The following SLC6A20 variants were observed in gnomAD, a reference collection of about 807,000 sequenced individuals.
The protein encoded by SLC6A20 is sodium- and chloride-dependent transporter XTRP3.
SLC6A20 carries 73 observed loss-of-function variants against 64.3 expected under a neutral mutation model. The ratio of observed to expected loss-of-function variants is 1.14; its 90% CI spans 0.94 to 1.38. The LOEUF is 1.38. Ranked by LOEUF, SLC6A20 falls within the 40% of genes most tolerant of loss-of-function variation. The pLI, the probability that SLC6A20 is intolerant of heterozygous loss-of-function variation, is 0.00. For synonymous variants in SLC6A20, 347 were observed against 329.6 expected (o/e 1.05, Z -0.57); for missense variants, 725 against 772.8 (o/e 0.94, Z 0.73).
intron 5 of SLC6A20, 108 bp from the exon 6 acceptor site, chr3:45,771,566 C>T (rs377484883): frequency 1.1e-5 from 17 of 1,537,772 alleles, no homozygotes; most frequent in South Asian, 1.0e-4. Flanking sequence ...ACCTACAGCA[C>T]GCAGCCATCA....
Position 45,765,553 on chromosome 3 carries a change from G to A in SLC6A20, c.1287C>T (p.Pro429=). 9 of 1,613,380 alleles carry A rather than the reference G, an allele frequency of 5.6e-6. No individual in the cohort carries two copies. The highest frequency in any genetic ancestry group is 6.8e-6 in the Non-Finnish European group (8 of 1,179,738). The change falls in exon 8 of 11, where the codon CCC becomes CCT. Residue 429 remains proline (P), a synonymous_variant. Transcript: ENST00000358525. This position sits in a 1 kb window ranked among gnomAD's most constrained non-coding sequence, Gnocchi z 4.2. The part of the protein sequence containing the change: ...TDSKIISSHL[P]KEAISGLVCL... ...CCCGCTGACCTGAGATGGCCTCCTTGGGCAGGTGGCTGGAGATGATCTTGC... is the reference window on the plus strand; with the variant it reads ...CCCGCTGACCTGAGATGGCCTCCTTAGGCAGGTGGCTGGAGATGATCTTGC...
chr3:45,782,440 A>C (rs1700109323), intron 1 of SLC6A20, among the ~76,000 whole-genome samples: 1 of 150,098 alleles, frequency 6.7e-6, no homozygotes, highest in African/African-American at 2.4e-5. Context: ...CCTCTCATCT[A>C]TCTATCTACT....
chr3:45,783,810 C>G (rs931685919), intron 1 of SLC6A20, among the ~76,000 whole-genome samples: 4 of 152,232 alleles, frequency 2.6e-5, no homozygotes, highest in Admixed American at 2.6e-4. Flanking sequence ...CAAATCCTGC[C>G]CTCTCATGTC....
chr3:45,771,268 A>G lies in SLC6A20; in HGVS notation c.884T>C (p.Phe295Ser). 1 of 1,614,210 alleles carries G rather than the reference A, an allele frequency of 6.2e-7. No homozygotes were observed. Among genetic ancestry groups the G allele is most frequent in the African/African-American group, 1.3e-5 (1 of 75,052 alleles). The change falls in exon 6 of 11, where the codon TTC becomes TCC. Residue 295 changes from phenylalanine to serine, a missense_variant. By Grantham distance (155) the Phe-to-Ser change is radical (BLOSUM62 -2). Coordinates refer to ENST00000358525, the MANE Select transcript of SLC6A20 (RefSeq NM_020208.4). ...GGTGGCCTTGAAGCCATAGATGGAG[A>G]AGGTGACAATGCTGGCAAATATGGA... Reference protein sequence around the residue: ...FTSIFASIVTFSIYGFKATFN... With the variant: ...FTSIFASIVTSSIYGFKATFN...
rs527526727 is a variant in SLC6A20 at position 45,784,302 on chromosome 3, G to A, written c.122-2079C>T. Among the ~76,000 whole-genome samples, 66 of 152,298 alleles carry A rather than the reference G, an allele frequency of 4.3e-4. 1 individual carries two copies. In the South Asian group the frequency reaches 9.1e-3, roughly 21 times the overall value. On this transcript the variant is annotated intron_variant, in intron 1 of 10. Coordinates refer to ENST00000358525, the MANE Select transcript of SLC6A20 (RefSeq NM_020208.4). The stretch of plus-strand genomic sequence containing the variant: ...TGCTAGAACAATTGAACATTCATAT[G>A]CAGAAAAATGAAACTCAACCCATAT...
intron 1 of SLC6A20, among the ~76,000 whole-genome samples, chr3:45,783,775 A>G (rs1700133881): frequency 6.6e-6 from 1 of 152,234 alleles, no homozygotes; most frequent in Non-Finnish European, 1.5e-5. Context: ...TCCTAGCTTC[A>G]TCCTGCTCAT....
At chr3:45,782,567 C>T (rs964789969) in intron 1 of SLC6A20, among the ~76,000 whole-genome samples, 11 of 151,852 alleles carry the variant, frequency 7.2e-5, no homozygotes, top group African/African-American at 2.7e-4. Flanking sequence ...ATCCTTCCTT[C>T]CTTCCATCCA....
intron 1 of SLC6A20, among the ~76,000 whole-genome samples, chr3:45,787,649 T>G (rs1047627594): frequency 2.0e-5 from 3 of 152,062 alleles, no homozygotes; most frequent in Non-Finnish European, 4.4e-5. Context: ...CACTCAAAAC[T>G]AAGACCCACC....
At position 45,758,720 on chromosome 3, in the gene SLC6A20, C is replaced by G; in HGVS notation, c.*258G>C. ...TAGGGCTTTCCTGGAATGAAGGATG[C>G]AGTTATCTTTGAGACCGGCTTTCAT... On this transcript the variant is annotated 3_prime_UTR_variant, in exon 11 of 11. Coordinates refer to ENST00000358525, the MANE Select transcript of SLC6A20 (RefSeq NM_020208.4). 7.9e-7 allele frequency: 1 copy of G among 1,265,112 alleles called. No individual in the cohort carries two copies. The highest frequency in any genetic ancestry group is 1.5e-5 in the African/African-American group (1 of 64,946). The allele number at this position is 1,265,112 out of a possible 1,614,324, so 78.4% of individuals were successfully genotyped here.
intron 8 of SLC6A20, among the ~76,000 whole-genome samples, chr3:45,763,954 C>T (rs1376748035): frequency 1.3e-5 from 2 of 152,198 alleles, no homozygotes; most frequent in Non-Finnish European, 2.9e-5. Context: ...GTGTTGGCTA[C>T]AAAGACCAGG....
intron 1 of SLC6A20, among the ~76,000 whole-genome samples, chr3:45,794,441 A>G (rs772394019): frequency 6.6e-6 from 1 of 152,128 alleles, no homozygotes; most frequent in Non-Finnish European, 1.5e-5. Flanking sequence ...CCACTAATCC[A>G]TGCATACACC....
In SLC6A20 at chr3:45,772,520, G is replaced by A. The variant is rs149505473; in HGVS notation, c.678C>T (p.Tyr226=). ...TLHGATNGLM[Y]MFTPKIEQLA... ...CAGCCCGTACCTTGGGAGTGAACATGTACATGAGGCCATTGGTGGCTCCGT... is the reference window on the plus strand; with the variant it reads ...CAGCCCGTACCTTGGGAGTGAACATATACATGAGGCCATTGGTGGCTCCGT... The change falls in exon 5 of 11, where the codon TAC becomes TAT. Residue 226 remains tyrosine, a synonymous_variant. Transcript: ENST00000358525. The A allele has an allele frequency of 9.4e-5, 152 of 1,613,516 alleles. 1 individual carries two copies. In the Middle Eastern group the frequency reaches 2.3e-3, roughly 25 times the overall value.
intron 1 of SLC6A20, among the ~76,000 whole-genome samples, chr3:45,788,040 G>C (rs943354063): frequency 1.3e-5 from 2 of 152,160 alleles, no homozygotes; most frequent in African/African-American, 4.8e-5. Context: ...CGACCTCCCA[G>C]GCTCAAGCAA....
chr3:45,786,806 G>C (rs1407871952), intron 1 of SLC6A20, among the ~76,000 whole-genome samples: 1 of 152,184 alleles, frequency 6.6e-6, no homozygotes, highest in African/African-American at 2.4e-5. Flanking sequence ...CAAGTGGTTT[G>C]TTATGAATAA....
intron 1 of SLC6A20, 111 bp downstream of exon 1, chr3:45,796,188 G>T (rs1445555730): frequency 6.7e-7 from 1 of 1,490,942 alleles, no homozygotes; most frequent in Non-Finnish European, 9.0e-7. Flanking sequence ...AATCACGCTC[G>T]CTTTCCCGGC....
Position 45,782,093 on chromosome 3 carries a change from G to T in SLC6A20, c.252C>A (p.Leu84=). 1 of 1,609,712 alleles carries T rather than the reference G, an allele frequency of 6.2e-7. No homozygotes were observed. Among genetic ancestry groups the T allele is most frequent in the East Asian group, 2.2e-5 (1 of 44,732 alleles). Residue 84 remains leucine (L), a synonymous_variant, in exon 2 of 11, where the codon CTC becomes CTA. Transcript: ENST00000358525. ...AGGGGCCCCACGTACCGACACCACT[G>T]AGGTACGGGCTGATGGTCCTCCAGG... ...IGAWRTISPY[L]SGVGVASVVV... is the part of the protein sequence containing the mutation.
chr3:45,776,445 G>C (rs1038133936), intron 3 of SLC6A20, among the ~76,000 whole-genome samples: 1 of 152,140 alleles, frequency 6.6e-6, no homozygotes, highest in African/African-American at 2.4e-5. Context: ...GAACCAACCA[G>C]AGAAAGTGAC....
chr3:45,757,634 C>T lies in SLC6A20; in HGVS notation c.*1344G>A, dbSNP rs866725621. 4.0e-4 allele frequency: 64 copies of T among 160,674 alleles called. No homozygotes were observed. In the Middle Eastern group the frequency reaches 9.1e-3, roughly 23 times the overall value. The allele number at this position is 160,674 out of a possible 1,614,324, so 10.0% of individuals were successfully genotyped here. On this transcript the variant is annotated 3_prime_UTR_variant, in exon 11 of 11. Coordinates refer to ENST00000358525, the MANE Select transcript of SLC6A20 (RefSeq NM_020208.4). ...GGCTAACAACATCTCAAAGCAGAAA[C>T]AATTTTTCTTAGTACAGATCAAAAT...
chr3:45,794,017 T>C (rs1334109916), intron 1 of SLC6A20, among the ~76,000 whole-genome samples: 1 of 152,112 alleles, frequency 6.6e-6, no homozygotes, highest in Non-Finnish European at 1.5e-5. Flanking sequence ...ATCACAGAGG[T>C]TGGGCCGGGC....
Sources: allele counts gnomAD v4.1 joint callset (sites outside exome capture counted in the v4.1 genomes callset), GRCh38; gene constraint gnomAD v4.1.1; non-coding constraint Gnocchi (gnomAD v3.1); transcripts MANE v1.5; gene names NCBI Gene and HGNC (gene_info 2026-07-23, HGNC 2026-07-21).